NOL4: variants seen among roughly 807,000 people sequenced by gnomAD.
NOL4 encodes the protein nucleolar protein 4.
Under a neutral mutation model 75.9 loss-of-function variants are expected in NOL4, and 17 were observed. That is an observed-to-expected ratio of 0.22 (90% CI 0.15 to 0.34). The LOEUF is 0.34. Among genes scored for constraint, NOL4 ranks in the 10% least tolerant of loss-of-function variants. The probability of loss-of-function intolerance (pLI) is 1.00; values close to 1 mark genes in which losing one functional copy is unlikely to be tolerated. For synonymous variants in NOL4, 292 were observed against 289.9 expected, an observed-to-expected ratio of 1.01 and a Z score of -0.07; for missense variants, 614 against 793.5, an observed-to-expected ratio of 0.77 and a Z score of 2.72.
chr18:33,931,982 A>G (rs905226003), intron 9 of NOL4, among the ~76,000 whole-genome samples: 1 of 152,054 alleles, frequency 6.6e-6, no homozygotes, highest in Non-Finnish European at 1.5e-5. Flanking sequence ...GCAGTTTCTT[A>G]CCATCTGGAA....
rs1600656456 is a variant in NOL4 at position 34,119,902 on chromosome 18, T to G, written c.414+9969A>C. 3.3e-5 allele frequency among the ~76,000 whole-genome samples: 5 copies of G among 152,192 alleles called. 1 individual carries two copies. Reference sequence around the variant, plus strand: ...CTCCCAAAGTGCTGGGATTACAGGCTTAAGCCACCGCGCCCGGCCTGATTT... The same window carrying G: ...CTCCCAAAGTGCTGGGATTACAGGCGTAAGCCACCGCGCCCGGCCTGATTT... On this transcript the variant is annotated intron_variant, in intron 2 of 10. Transcript: ENST00000261592.
intron 9 of NOL4, among the ~76,000 whole-genome samples, chr18:33,924,149 T>C (rs2067194465): frequency 6.6e-6 from 1 of 152,216 alleles, no homozygotes; most frequent in Non-Finnish European, 1.5e-5. Flanking sequence ...GCTGCTCTAT[T>C]CAGCCTGCTG....
At chr18:34,130,976 T>A (rs553943731) in intron 1 of NOL4, among the ~76,000 whole-genome samples, 1 of 152,016 alleles carries the variant, frequency 6.6e-6, no homozygotes, top group Admixed American at 6.6e-5. Flanking sequence ...GAAATAAGTT[T>A]GGAATGAGAT....
At chr18:34,209,734 T>C (rs549185408) in intron 1 of NOL4, among the ~76,000 whole-genome samples, 3 of 152,320 alleles carry the variant, frequency 2.0e-5, no homozygotes, top group South Asian at 4.1e-4. Flanking sequence ...AATAGTGCCA[T>C]CATTGGCAAC....
At chr18:34,070,452 A>G (rs2077465903) in intron 5 of NOL4, among the ~76,000 whole-genome samples, 1 of 152,172 alleles carries the variant, frequency 6.6e-6, no homozygotes, top group Non-Finnish European at 1.5e-5. Flanking sequence ...GCCTCTTCTC[A>G]TTTGTTGATT....
intron 9 of NOL4, among the ~76,000 whole-genome samples, chr18:33,920,206 G>A (rs2066950425): frequency 6.6e-6 from 1 of 151,998 alleles, no homozygotes; most frequent in Non-Finnish European, 1.5e-5. Flanking sequence ...AGAGAGACGA[G>A]ACAGAAGGAG....
At chr18:33,979,579 C>A (rs1473904837) in intron 6 of NOL4, among the ~76,000 whole-genome samples, 2 of 151,642 alleles carry the variant, frequency 1.3e-5, no homozygotes, top group Non-Finnish European at 2.9e-5. Flanking sequence ...CTCTTGGTAC[C>A]ATAAATGTTG....
chr18:34,073,487 A>G lies in NOL4; in HGVS notation c.772+19978T>C, dbSNP rs375623632. ...ACTTTAAATCATCTCTAGCTTACTTAAACTGCCTAATACAATGCAAATGCT... is the reference window on the plus strand; with the variant it reads ...ACTTTAAATCATCTCTAGCTTACTTGAACTGCCTAATACAATGCAAATGCT... On this transcript the variant is annotated intron_variant, in intron 5 of 10. Transcript: ENST00000261592. Among the ~76,000 whole-genome samples the G allele has an allele frequency of 4.6e-4, 70 of 152,146 alleles. 1 individual carries two copies. The highest frequency in any genetic ancestry group is 1.6e-3 in the African/African-American group (68 of 41,562).
chr18:33,925,982 T>C (rs571790136), intron 9 of NOL4, among the ~76,000 whole-genome samples: 2 of 152,202 alleles, frequency 1.3e-5, no homozygotes, highest in Non-Finnish European at 2.9e-5. Context: ...TTTGAATAAT[T>C]TGAAAATAAA....
chr18:34,093,033 T>G (rs2078599781), intron 5 of NOL4, among the ~76,000 whole-genome samples: 1 of 152,184 alleles, frequency 6.6e-6, no homozygotes, highest in Non-Finnish European at 1.5e-5. Context: ...TCCTTTAATA[T>G]CTAGTGATTC....
chr18:33,992,986 G>C (rs2073029802), intron 6 of NOL4, among the ~76,000 whole-genome samples: 1 of 151,968 alleles, frequency 6.6e-6, no homozygotes, highest in Non-Finnish European at 1.5e-5. Context: ...ACTAAATAGA[G>C]GTTTTAGTGG....
intron 6 of NOL4, among the ~76,000 whole-genome samples, chr18:34,011,978 A>C (rs966734240): frequency 6.6e-6 from 1 of 151,944 alleles, no homozygotes; most frequent in African/African-American, 2.4e-5. Flanking sequence ...TCAAGGCATA[A>C]ATTATAGAAG....
chr18:34,102,938 C>A (rs905052351), intron 4 of NOL4, among the ~76,000 whole-genome samples: 2 of 151,736 alleles, frequency 1.3e-5, no homozygotes, highest in Admixed American at 1.3e-4. Flanking sequence ...TCCAATATTG[C>A]CACTGCACTA....
rs144612060 is a variant in NOL4 at position 33,930,144 on chromosome 18, T to C, written c.1542+12921A>G. 9.5e-4 allele frequency among the ~76,000 whole-genome samples: 144 copies of C among 152,270 alleles called. 1 individual carries two copies. Among genetic ancestry groups the C allele is most frequent in the African/African-American group, 3.2e-3 (135 of 41,576 alleles). ...AATTCAAGTTTTTAAATTAGAATGG[T>C]AAAAGTCCATTGTAGATATTTACTG... On this transcript the variant is annotated intron_variant, in intron 9 of 10. Coordinates refer to ENST00000261592, the MANE Select transcript of NOL4 (RefSeq NM_003787.5).
intron 9 of NOL4, among the ~76,000 whole-genome samples, chr18:33,902,076 A>G (rs1197808792): frequency 6.6e-6 from 1 of 152,076 alleles, no homozygotes; most frequent in Admixed American, 6.6e-5. Context: ...AAGTCCAAGT[A>G]TGCTGTAGAT....
Position 34,157,635 on chromosome 18 carries a change from A to T in NOL4, c.265-27615T>A, listed in dbSNP as rs757966666. On this transcript the variant is annotated intron_variant, in intron 1 of 10. Transcript: ENST00000261592. ...TATGCAGAATGAAAAAAAAAAGCAGATCAAAATACAGTATCAAAAAAGGAA... is the reference window on the plus strand; with the variant it reads ...TATGCAGAATGAAAAAAAAAAGCAGTTCAAAATACAGTATCAAAAAAGGAA... Among the ~76,000 whole-genome samples, 62 of 152,132 alleles carry T rather than the reference A, an allele frequency of 4.1e-4. 1 individual carries two copies. The highest frequency in any genetic ancestry group is 5.0e-4 in the Non-Finnish European group (34 of 68,022).
chr18:34,205,276 A>C (rs1487343850), intron 1 of NOL4, among the ~76,000 whole-genome samples: 1 of 152,138 alleles, frequency 6.6e-6, no homozygotes, highest in East Asian at 1.9e-4. Flanking sequence ...ATGATATAAC[A>C]ATTCTCTCAG....
intron 1 of NOL4, among the ~76,000 whole-genome samples, chr18:34,212,106 T>C (rs1434766307): frequency 6.6e-6 from 1 of 152,200 alleles, no homozygotes; most frequent in African/African-American, 2.4e-5. Flanking sequence ...TTCTCCATCC[T>C]ACTGCTAAAA....
intron 6 of NOL4, among the ~76,000 whole-genome samples, chr18:33,964,512 G>A (rs2070418933): frequency 6.8e-6 from 1 of 147,444 alleles, no homozygotes; most frequent in South Asian, 2.1e-4. Context: ...AGAAAAGAAA[G>A]GAAGGAAGGA....
Sources: allele counts gnomAD v4.1 joint callset (sites outside exome capture counted in the v4.1 genomes callset), GRCh38; gene constraint gnomAD v4.1.1; transcripts MANE v1.5; gene names NCBI Gene and HGNC (gene_info 2026-07-23, HGNC 2026-07-21).